CPA6: variants seen among roughly 807,000 people sequenced by gnomAD.
The protein encoded by CPA6 is carboxypeptidase A6.
Under a neutral mutation model 63.3 loss-of-function variants are expected in CPA6, and 58 were observed. The observed-to-expected ratio is 0.92, with a 90% CI of 0.74 to 1.14. The LOEUF is 1.14. Among genes scored for constraint, CPA6 ranks in the 50% most tolerant of loss-of-function variants. The pLI, the probability that CPA6 is intolerant of heterozygous loss-of-function variation, is 0.00. For synonymous variants in CPA6, 185 were observed against 179.0 expected (o/e 1.03, Z -0.27); for missense variants, 565 against 526.6 (o/e 1.07, Z -0.71).
At chr8:67,645,176 A>G (rs530684620) in intron 1 of CPA6, among the ~76,000 whole-genome samples, 2 of 152,326 alleles carry the variant, frequency 1.3e-5, no homozygotes, top group South Asian at 4.1e-4. Context: ...ATCATATCAC[A>G]TTGTATCATA....
chr8:67,716,151 CAAAAAAAAA>C lies in CPA6; in HGVS notation c.116+29854_116+29862del, dbSNP rs56275918. ...CCTGGGCGAGAGAGTGAGCTTGTCTCAAAAAAAAAAAAAAAAAAAAAAAAAAGGAGAGAG... is the reference window on the plus strand; with the variant it reads ...CCTGGGCGAGAGAGTGAGCTTGTCTCAAAAAAAAAAAAAAAAAGGAGAGAG... On this transcript the variant is annotated intron_variant, in intron 1 of 10. Coordinates refer to ENST00000297770, the MANE Select transcript of CPA6 (RefSeq NM_020361.5). Among the ~76,000 whole-genome samples the C allele has an allele frequency of 3.7e-3, 286 of 76,544 alleles. 4 individuals carry two copies. Among genetic ancestry groups the C allele is most frequent in the African/African-American group, 0.019 (276 of 14,918 alleles). The allele number at this position is 76,544 out of a possible 152,430, so 50.2% of individuals were successfully genotyped here.
intron 2 of CPA6, among the ~76,000 whole-genome samples, chr8:67,535,773 A>G (rs1446899753): frequency 6.6e-6 from 1 of 152,016 alleles, no homozygotes; most frequent in Non-Finnish European, 1.5e-5. Flanking sequence ...GTCATGAAGT[A>G]TTTGCCCACG....
At chr8:67,514,465 C>T (rs981293432) in intron 3 of CPA6, among the ~76,000 whole-genome samples, 2 of 152,140 alleles carry the variant, frequency 1.3e-5, no homozygotes, top group African/African-American at 4.8e-5. Flanking sequence ...TTTGAAAATA[C>T]TCCAGGCTAC....
intron 1 of CPA6, among the ~76,000 whole-genome samples, chr8:67,710,276 G>T (rs549756173): frequency 7.9e-5 from 12 of 152,152 alleles, no homozygotes; most frequent in South Asian, 2.1e-4. Flanking sequence ...CCTTTGGAGA[G>T]AATAATTGGT....
At chr8:67,728,982 G>A (rs1817656012) in intron 1 of CPA6, among the ~76,000 whole-genome samples, 2 of 152,130 alleles carry the variant, frequency 1.3e-5, no homozygotes. Flanking sequence ...AGAAAGCAAG[G>A]CCCAGAAAGA....
At chr8:67,665,924 C>G (rs1210389873) in intron 1 of CPA6, among the ~76,000 whole-genome samples, 1 of 152,228 alleles carries the variant, frequency 6.6e-6, no homozygotes, top group East Asian at 1.9e-4. Flanking sequence ...CAGTTCCTGA[C>G]AAATGTTAAA....
At chr8:67,637,052 T>C (rs1317900464) in intron 1 of CPA6, among the ~76,000 whole-genome samples, 1 of 151,696 alleles carries the variant, frequency 6.6e-6, no homozygotes, top group Non-Finnish European at 1.5e-5. Context: ...GCTTAGGACA[T>C]GAAGATTTAG....
intron 2 of CPA6, among the ~76,000 whole-genome samples, chr8:67,588,875 C>T (rs945754569): frequency 6.6e-6 from 1 of 152,084 alleles, no homozygotes; most frequent in African/African-American, 2.4e-5. Context: ...GGTGGTGGCT[C>T]ATGCGTGTAA....
chr8:67,693,028 C>T (rs1380662252), intron 1 of CPA6, among the ~76,000 whole-genome samples: 3 of 152,158 alleles, frequency 2.0e-5, no homozygotes, highest in Admixed American at 2.0e-4. Flanking sequence ...TGACTCAGAA[C>T]ACTGCCATCT....
At chr8:67,503,879 T>C (rs906253740) in intron 6 of CPA6, among the ~76,000 whole-genome samples, 10 of 152,148 alleles carry the variant, frequency 6.6e-5, no homozygotes, top group African/African-American at 2.4e-4. Flanking sequence ...CATTAGGTAT[T>C]TCTTTTAATG....
chr8:67,663,810 T>C (rs1328162054), intron 1 of CPA6, among the ~76,000 whole-genome samples: 1 of 152,200 alleles, frequency 6.6e-6, no homozygotes, highest in South Asian at 2.1e-4. Flanking sequence ...TCTTTGCTAT[T>C]GTGAATAGGC....
Position 67,660,603 on chromosome 8 carries a change from G to A in CPA6, c.117-36352C>T, listed in dbSNP as rs901109040. Reference sequence around the variant, plus strand: ...ATGTGCCTGCCTTAGGCTCCCACAAGGCTAGGAAGGATTACAGGAACGAAC... The same window carrying A: ...ATGTGCCTGCCTTAGGCTCCCACAAAGCTAGGAAGGATTACAGGAACGAAC... On this transcript the variant is annotated intron_variant, in intron 1 of 10. Transcript: ENST00000297770. Among the ~76,000 whole-genome samples, 4 of 145,652 alleles carry A rather than the reference G, an allele frequency of 2.7e-5. No homozygotes were observed. The Admixed American group carries it at 2.8e-4, about 10-fold the overall frequency.
chr8:67,610,359 C>T (rs561212295), intron 2 of CPA6, among the ~76,000 whole-genome samples: 69 of 151,462 alleles, frequency 4.6e-4, no homozygotes, highest in African/African-American at 1.6e-3. Context: ...GGTGACAGGC[C>T]GAGACTCTTT....
intron 8 of CPA6, among the ~76,000 whole-genome samples, chr8:67,467,720 C>A (rs1337377771): frequency 6.6e-6 from 1 of 151,972 alleles, no homozygotes; most frequent in African/African-American, 2.4e-5. Flanking sequence ...CCTGTAAGGG[C>A]GACCGGGCAC....
chr8:67,699,038 C>A lies in CPA6; in HGVS notation c.116+46976G>T, dbSNP rs143240478. 1.2e-4 allele frequency among the ~76,000 whole-genome samples: 19 copies of A among 152,318 alleles called. No individual in the cohort carries two copies. In the East Asian group the frequency reaches 2.7e-3, roughly 22 times the overall value. ...AAAAGGCCTGGAAGAATGGCATGGT[C>A]TCTAATGCCACATTGCTAGAATAAC... On this transcript the variant is annotated intron_variant, in intron 1 of 10. Coordinates refer to ENST00000297770, the MANE Select transcript of CPA6 (RefSeq NM_020361.5).
chr8:67,655,499 T>C (rs1012086246), intron 1 of CPA6, among the ~76,000 whole-genome samples: 14 of 152,204 alleles, frequency 9.2e-5, no homozygotes, highest in African/African-American at 3.4e-4. Flanking sequence ...ACCCCTGATA[T>C]GGTTTGTCAT....
At chr8:67,654,390 G>A (rs1815931476) in intron 1 of CPA6, among the ~76,000 whole-genome samples, 2 of 152,146 alleles carry the variant, frequency 1.3e-5, no homozygotes, top group South Asian at 2.1e-4. Flanking sequence ...CTTTTTGTTG[G>A]TAAGCTATTG....
At chr8:67,632,566 C>A (rs911599436) in intron 1 of CPA6, among the ~76,000 whole-genome samples, 1 of 152,188 alleles carries the variant, frequency 6.6e-6, no homozygotes, top group African/African-American at 2.4e-5. Flanking sequence ...CCTACCTTGG[C>A]TTCCCAAAGT....
chr8:67,592,737 C>T (rs1421289167), intron 2 of CPA6, among the ~76,000 whole-genome samples: 1 of 152,050 alleles, frequency 6.6e-6, no homozygotes, highest in Non-Finnish European at 1.5e-5. Flanking sequence ...GATGATATCC[C>T]CTTTATCATT....
Sources: gnomAD v4.1 joint callset for allele counts (sites outside exome capture counted in the v4.1 genomes callset) on GRCh38, gnomAD v4.1.1 for gene constraint, MANE v1.5 for transcripts, NCBI Gene and HGNC (gene_info 2026-07-23, HGNC 2026-07-21) for gene names.